Variants in DCDC2C observed in about 807,000 individuals in gnomAD.
DCDC2C encodes the protein doublecortin domain containing 2C, also known as doublecortin domain-containing protein 2C.
In DCDC2C, 44 loss-of-function variants were observed where a neutral mutation model predicts 45.0. The ratio of observed to expected loss-of-function variants is 0.98; its 90% CI spans 0.77 to 1.26. The LOEUF (loss-of-function observed/expected upper bound fraction) is 1.26, where lower values mean the gene tolerates loss of function less well. Among genes scored for constraint, DCDC2C ranks in the 50% most tolerant of loss-of-function variants. The probability of loss-of-function intolerance (pLI) is 0.00; values close to 1 mark genes in which losing one functional copy is unlikely to be tolerated. For missense variants in DCDC2C, 447 were observed against 468.9 expected (o/e 0.95, Z 0.43); for synonymous variants, 187 against 178.8 (o/e 1.05, Z -0.37).
chr2:3,708,017 A>G (rs933554104), intron 1 of DCDC2C, among the ~76,000 whole-genome samples: 9 of 152,336 alleles, frequency 5.9e-5, no homozygotes, highest in Admixed American at 5.9e-4. Context: ...AGTCCCCAAC[A>G]GTAAAAAAAA....
In DCDC2C at chr2:3,799,472, C is replaced by T. The variant is rs372096945; in HGVS notation, c.1065+14372C>T. 7.7e-3 allele frequency among the ~76,000 whole-genome samples: 1,170 copies of T among 152,116 alleles called. 9 individuals are homozygous for T. Among genetic ancestry groups the T allele is most frequent in the African/African-American group, 0.027 (1,119 of 41,512 alleles). On this transcript the variant is annotated intron_variant, in intron 10 of 10. Coordinates refer to ENST00000399143, the MANE Select transcript of DCDC2C (RefSeq NM_001287444.2). The stretch of plus-strand genomic sequence containing the variant: ...CTTTTTAGAGTTTCCAGTTTTTCTG[C>T]TCTGTTTTTTCCCCATCTTTGTGGT...
At position 3,703,740 on chromosome 2, in the gene DCDC2C, C is replaced by CG. The variant is rs1482408428; in HGVS notation, c.-8dup. On this transcript the variant is annotated 5_prime_UTR_variant, in exon 1 of 11. Coordinates refer to ENST00000399143, the MANE Select transcript of DCDC2C (RefSeq NM_001287444.2). The surrounding 1 kb of genome is among the most constrained non-coding windows in gnomAD (Gnocchi z 4.4). ...CCTCTCGGCCCCGGCGAGCGAGGAG[C>CG]GGGGCGCGGCTATGGGAACCCGCGG... 4.1e-6 allele frequency: 5 copies of CG among 1,229,666 alleles called. No homozygotes were observed. The African/African-American group carries it at 7.8e-5, about 19-fold the overall frequency. The allele number at this position is 1,229,666 out of a possible 1,614,324, so 76.2% of individuals were successfully genotyped here.
intron 10 of DCDC2C, among the ~76,000 whole-genome samples, chr2:3,831,032 C>T (rs78424723): frequency 6.1e-4 from 92 of 151,892 alleles, no homozygotes; most frequent in Non-Finnish European, 1.1e-3. Context: ...TGAGCAATTC[C>T]GAGTAGGATT....
intron 10 of DCDC2C, among the ~76,000 whole-genome samples, chr2:3,791,395 A>G (rs1670807764): frequency 6.6e-6 from 1 of 152,180 alleles, no homozygotes; most frequent in Admixed American, 6.5e-5. Flanking sequence ...GGATGGACCA[A>G]TCGCCTTTTC....
chr2:3,757,701 G>A (rs1000278016), intron 6 of DCDC2C, among the ~76,000 whole-genome samples: 3 of 152,190 alleles, frequency 2.0e-5, no homozygotes, highest in African/African-American at 7.2e-5. Context: ...AGAAGGCAGA[G>A]TGTCGATAAG....
At chr2:3,742,151 C>A in intron 4 of DCDC2C, 103 bp downstream of exon 4, 2 of 1,284,520 alleles carry the variant, frequency 1.6e-6, no homozygotes, top group South Asian at 1.9e-5. Flanking sequence ...AAATGATTCA[C>A]CATAAACTCT....
Position 3,754,572 on chromosome 2 carries a change from G to T in DCDC2C, c.684-20G>T. 2 of 1,548,322 alleles carry T rather than the reference G, an allele frequency of 1.3e-6. No homozygotes were observed. Among genetic ancestry groups the T allele is most frequent in the South Asian group, 2.4e-5 (2 of 83,530 alleles). On this transcript the variant is annotated intron_variant, in intron 5 of 10. Transcript: ENST00000399143. ...AGGGCCGGGCTTTACATTTCAAGTT[G>T]AACATCTTTTGTCTTGCAGAAGGTA...
At position 3,767,855 on chromosome 2, in the gene DCDC2C, A is replaced by T. The variant is rs1670055337; in HGVS notation, c.828A>T (p.Ala276=). The T allele has an allele frequency of 1.3e-6, 2 of 1,541,020 alleles. No homozygotes were observed. Among genetic ancestry groups the T allele is most frequent in the Non-Finnish European group, 1.7e-6 (2 of 1,143,716 alleles). Residue 276 remains alanine (A), a synonymous_variant, in exon 7 of 11, where the codon GCA becomes GCT. Transcript: ENST00000399143. The part of the protein sequence containing the change: ...YAKEEKKKTL[A]EPLVQRGAEG... ...AAGAAGAAAAGAAGAAAACATTGGC[A>T]GAACCTTTAGTCCAAAGGGGTGCAG...
chr2:3,770,634 G>A (rs1670138178), intron 8 of DCDC2C, among the ~76,000 whole-genome samples: 1 of 152,150 alleles, frequency 6.6e-6, no homozygotes, highest in African/African-American at 2.4e-5. Flanking sequence ...AGGAAACTAG[G>A]ACATTTTAGG....
chr2:3,830,157 G>A (rs17018121), intron 10 of DCDC2C, among the ~76,000 whole-genome samples: 27,808 of 152,202 alleles, frequency 0.18, 2,640 homozygotes, highest in South Asian at 0.31. Context: ...ATGTTTGCTT[G>A]GTGGTTCAGG....
At chr2:3,821,471 T>A (rs978134092) in intron 10 of DCDC2C, among the ~76,000 whole-genome samples, 3 of 152,216 alleles carry the variant, frequency 2.0e-5, no homozygotes, top group Non-Finnish European at 4.4e-5. Context: ...CTCCTGATCA[T>A]AAGGGGAAAA....
intron 10 of DCDC2C, among the ~76,000 whole-genome samples, chr2:3,820,972 A>G (rs1671674710): frequency 6.6e-6 from 1 of 152,130 alleles, no homozygotes; most frequent in Admixed American, 6.5e-5. Context: ...CTGTGTAAAG[A>G]GTCCACCAAA....
At chr2:3,805,204 C>G (rs778620514) in intron 10 of DCDC2C, among the ~76,000 whole-genome samples, 13 of 152,312 alleles carry the variant, frequency 8.5e-5, no homozygotes, top group South Asian at 2.1e-4. Context: ...AATTCAGAAA[C>G]TGCATGAAAG....
rs1669227816 is a variant in DCDC2C at position 3,741,987 on chromosome 2, G to A, written c.484G>A (p.Asp162Asn). 1.3e-6 allele frequency: 2 copies of A among 1,548,520 alleles called. No homozygotes were observed. The highest frequency in any genetic ancestry group is 1.7e-6 in the Non-Finnish European group (2 of 1,146,216). The change falls in exon 4 of 11, where the codon GAT becomes AAT. Residue 162 changes from aspartate (D) to asparagine (N), a missense_variant. By Grantham distance (23) the Asp-to-Asn change is conservative. Coordinates refer to ENST00000399143, the MANE Select transcript of DCDC2C (RefSeq NM_001287444.2). ...KIIIPKFSLSDWDIVLATIGE... is the reference protein window; with the variant it reads ...KIIIPKFSLSNWDIVLATIGE... ...CATTATACCCAAATTTAGTCTGTCCGATTGGGACATCGTGCTGGCCACGAT... is the reference window on the plus strand; with the variant it reads ...CATTATACCCAAATTTAGTCTGTCCAATTGGGACATCGTGCTGGCCACGAT...
chr2:3,846,406 C>A lies in DCDC2C; in HGVS notation c.1066-748C>A, dbSNP rs935053211. On this transcript the variant is annotated intron_variant, in intron 10 of 10. Transcript: ENST00000399143. ...TGTAGCTGAGACTACAGGCATGAGC[C>A]ACCACGTCTGGCTACTTTTCTTTTT... Among the ~76,000 whole-genome samples, 3 of 152,226 alleles carry A rather than the reference C, an allele frequency of 2.0e-5. No homozygotes were observed. The East Asian group carries it at 5.8e-4, about 29-fold the overall frequency.
chr2:3,832,772 G>A (rs2148236390), intron 10 of DCDC2C, among the ~76,000 whole-genome samples: 1 of 152,314 alleles, frequency 6.6e-6, no homozygotes, highest in African/African-American at 2.4e-5. Flanking sequence ...GTGAGAGTGA[G>A]CCATGCAGTT....
At chr2:3,835,845 G>C (rs911272665) in intron 10 of DCDC2C, among the ~76,000 whole-genome samples, 2 of 152,120 alleles carry the variant, frequency 1.3e-5, no homozygotes, top group African/African-American at 4.8e-5. Context: ...CTGGGCTCAA[G>C]TGATCCTCCT....
rs548679043 is a variant in DCDC2C, at chr2:3,757,458, A to G, written c.726+2824A>G. ...ATGCTGGATTTTCTTTTAAATTTGC[A>G]AGCTTAAAAAAAAGTACCTAGAATA... On this transcript the variant is annotated intron_variant, in intron 6 of 10. Transcript: ENST00000399143. Among the ~76,000 whole-genome samples, 4 of 152,286 alleles carry G rather than the reference A, an allele frequency of 2.6e-5. No individual in the cohort carries two copies. In the South Asian group the frequency reaches 8.3e-4, roughly 32 times the overall value.
At chr2:3,721,452 T>C (rs1227189060) in intron 2 of DCDC2C, among the ~76,000 whole-genome samples, 1 of 152,280 alleles carries the variant, frequency 6.6e-6, no homozygotes, top group Admixed American at 6.5e-5. Flanking sequence ...TCTCGCAGGC[T>C]TTTAGTTGGA....
Sources: allele counts gnomAD v4.1 joint callset (sites outside exome capture counted in the v4.1 genomes callset), GRCh38; gene constraint gnomAD v4.1.1; non-coding constraint Gnocchi (gnomAD v3.1); transcripts MANE v1.5; gene names NCBI Gene and HGNC (gene_info 2026-07-23, HGNC 2026-07-21).